Variants in PPP1R13B observed in about 807,000 individuals in gnomAD.
PPP1R13B encodes the protein protein phosphatase 1 regulatory subunit 13B.
A neutral mutation model predicts 119.8 loss-of-function variants in PPP1R13B; 44 were observed. That is an observed-to-expected ratio of 0.37 (90% CI 0.29 to 0.47). The LOEUF (loss-of-function observed/expected upper bound fraction) is 0.47. Ranked by LOEUF, PPP1R13B falls within the 20% of genes least tolerant of loss-of-function variation. The probability of loss-of-function intolerance (pLI) is 0.99; values close to 1 mark genes in which losing one functional copy is unlikely to be tolerated. For synonymous variants in PPP1R13B, 542 were observed against 561.5 expected, an observed-to-expected ratio of 0.97 and a Z score of 0.49; for missense variants, 1,227 against 1,413.5, an observed-to-expected ratio of 0.87 and a Z score of 2.12.
intron 1 of PPP1R13B, among the ~76,000 whole-genome samples, chr14:103,834,146 G>A (rs375490510): frequency 1.8e-4 from 27 of 152,290 alleles, no homozygotes; most frequent in African/African-American, 5.3e-4. Flanking sequence ...AGGCCAAGGC[G>A]TGTGGATCAC....
At chr14:103,828,859 C>T (rs1248314491) in intron 1 of PPP1R13B, among the ~76,000 whole-genome samples, 2 of 152,202 alleles carry the variant, frequency 1.3e-5, no homozygotes, top group Non-Finnish European at 2.9e-5. Flanking sequence ...AAGAACCATA[C>T]GAAGATTTGG....
At chr14:103,835,126 G>T (rs1160354526) in intron 1 of PPP1R13B, among the ~76,000 whole-genome samples, 1 of 151,846 alleles carries the variant, frequency 6.6e-6, no homozygotes, top group Non-Finnish European at 1.5e-5. Context: ...TTTTCTTTTA[G>T]ACAGGATCTG....
Position 103,733,931 on chromosome 14 carries a change from A to G in PPP1R13B, c.*1223T>C, listed in dbSNP as rs1781428797. 1 of 156,884 alleles carries G rather than the reference A, an allele frequency of 6.4e-6. No homozygotes were observed. Among genetic ancestry groups the G allele is most frequent in the African/African-American group, 2.4e-5 (1 of 41,470 alleles). 9.7% of individuals were successfully genotyped at this position (156,884 alleles called of 1,614,324 possible). The stretch of plus-strand genomic sequence containing the variant: ...GTGCTGCATCAGTGAGTCTGTACAC[A>G]CATTTTTACATAAATTACACACGAC... On this transcript the variant is annotated 3_prime_UTR_variant, in exon 17 of 17. Transcript: ENST00000202556.
chr14:103,841,260 G>A (rs2086900105), intron 1 of PPP1R13B, among the ~76,000 whole-genome samples: 2 of 151,808 alleles, frequency 1.3e-5, no homozygotes, highest in Admixed American at 1.3e-4. Context: ...AGTCCAGCCT[G>A]TACAACAAGA....
intron 2 of PPP1R13B, among the ~76,000 whole-genome samples, chr14:103,786,357 A>C (rs1175462540): frequency 1.3e-5 from 2 of 152,174 alleles, no homozygotes; most frequent in African/African-American, 4.8e-5. Flanking sequence ...CTAACCAATT[A>C]CTTGAGAAGA....
At chr14:103,811,201 G>A (rs890480264) in intron 1 of PPP1R13B, among the ~76,000 whole-genome samples, 2 of 151,018 alleles carry the variant, frequency 1.3e-5, no homozygotes, top group African/African-American at 4.9e-5. Flanking sequence ...AACAAACACT[G>A]AATTTTAAAC....
intron 1 of PPP1R13B, among the ~76,000 whole-genome samples, chr14:103,808,164 A>G (rs2086062878): frequency 6.6e-6 from 1 of 152,022 alleles, no homozygotes; most frequent in African/African-American, 2.4e-5. Flanking sequence ...GAATCCCTTG[A>G]ACCCAGGAGG....
chr14:103,786,795 T>A (rs1383591039), intron 2 of PPP1R13B, among the ~76,000 whole-genome samples: 1 of 100,424 alleles, frequency 1.0e-5, no homozygotes, highest in Non-Finnish European at 1.9e-5. Context: ...AAAAGGCTGG[T>A]CATGGTGGTG....
chr14:103,810,220 G>A (rs1019696637), intron 1 of PPP1R13B, among the ~76,000 whole-genome samples: 18 of 146,430 alleles, frequency 1.2e-4, no homozygotes, highest in South Asian at 4.7e-4. Flanking sequence ...TCTGAAGTTC[G>A]AAACCAGCCT....
Position 103,733,214 on chromosome 14 carries a change from G to A in PPP1R13B, c.*1940C>T, listed in dbSNP as rs2151954436. Reference sequence around the variant, plus strand: ...TCACAGTTTATTAATGCTTTAAACAGCTTCATGTTTTAGAATTTGTGTATT... The same window carrying A: ...TCACAGTTTATTAATGCTTTAAACAACTTCATGTTTTAGAATTTGTGTATT... On this transcript the variant is annotated 3_prime_UTR_variant, in exon 17 of 17. Transcript: ENST00000202556. 6.0e-6 allele frequency: 4 copies of A among 664,816 alleles called. No homozygotes were observed. In the East Asian group the frequency reaches 1.1e-4, roughly 19 times the overall value. 41.2% of individuals were successfully genotyped at this position (664,816 alleles called of 1,614,324 possible). A position where few individuals can be genotyped will look rare whatever the true frequency, so the allele number is the denominator to read the frequency against.
intron 1 of PPP1R13B, among the ~76,000 whole-genome samples, chr14:103,831,918 A>T (rs1488807516): frequency 1.3e-5 from 2 of 151,872 alleles, no homozygotes; most frequent in African/African-American, 4.8e-5. Context: ...CCTGGGTGAC[A>T]GAGCAAGAAT....
chr14:103,769,712 G>T (rs1221653221), intron 4 of PPP1R13B, among the ~76,000 whole-genome samples: 2 of 152,028 alleles, frequency 1.3e-5, no homozygotes, highest in Non-Finnish European at 2.9e-5. Context: ...TCTCTTCAAG[G>T]TTATATATCT....
chr14:103,736,225 A>AGCAGAGGGT (rs2084107259), intron 15 of PPP1R13B, 23 bp from the exon 16 acceptor site: 1 of 1,606,072 alleles, frequency 6.2e-7, no homozygotes, highest in Non-Finnish European at 8.5e-7. Flanking sequence ...AGCAATGGTC[A>AGCAGAGGGT]GGCCTCAGCA....
At chr14:103,757,607 G>T in intron 5 of PPP1R13B, 43 bp downstream of exon 5, 1 of 1,561,562 alleles carries the variant, frequency 6.4e-7, no homozygotes. Flanking sequence ...GTTAAAGAAG[G>T]TACTTTTTGA....
At chr14:103,812,414 G>A (rs373709449) in intron 1 of PPP1R13B, among the ~76,000 whole-genome samples, 1 of 150,740 alleles carries the variant, frequency 6.6e-6, no homozygotes, top group Non-Finnish European at 1.5e-5. Context: ...GTGAGCCACC[G>A]CGTGTGGCTG....
chr14:103,780,485 C>CAAAAAAA (rs34274916), intron 3 of PPP1R13B, among the ~76,000 whole-genome samples: 1 of 36,212 alleles, frequency 2.8e-5, no homozygotes, highest in African/African-American at 1.3e-4. Context: ...AACCCTGTCT[C>CAAAAAAA]AAAAAAAAAA....
intron 1 of PPP1R13B, chr14:103,847,012 G>A (rs1337314752): frequency 2.6e-6 from 3 of 1,150,882 alleles, no homozygotes; most frequent in African/African-American, 1.6e-5. Flanking sequence ...GCGCACCTGA[G>A]AGGACCGAGG....
chr14:103,748,586 G>A (rs1024554171), intron 8 of PPP1R13B, among the ~76,000 whole-genome samples: 3 of 152,224 alleles, frequency 2.0e-5, no homozygotes, highest in African/African-American at 4.8e-5. Flanking sequence ...CTCCTACCAC[G>A]AGGGCAGAAT....
intron 8 of PPP1R13B, chr14:103,747,299 T>C (rs1395576050): frequency 6.6e-6 from 1 of 152,172 alleles, no homozygotes; most frequent in Non-Finnish European, 1.5e-5. Flanking sequence ...GGTTATGGCT[T>C]TCACAATTGC....
Sources: gnomAD v4.1 joint callset for allele counts (sites outside exome capture counted in the v4.1 genomes callset) on GRCh38, gnomAD v4.1.1 for gene constraint, MANE v1.5 for transcripts, NCBI Gene and HGNC (gene_info 2026-07-23, HGNC 2026-07-21) for gene names.